The following EFEMP1 variants were observed in gnomAD, a reference collection of about 807,000 sequenced individuals.
The protein encoded by EFEMP1 is EGF-containing fibulin-like extracellular matrix protein 1.
Under a neutral mutation model 65.7 loss-of-function variants are expected in EFEMP1, and 18 were observed. The ratio of observed to expected loss-of-function variants is 0.27; its 90% confidence interval spans 0.19 to 0.41. The LOEUF (loss-of-function observed/expected upper bound fraction) is 0.41, where lower values mean the gene tolerates loss of function less well. EFEMP1 is among the 10% of genes least tolerant of loss of function. The pLI, the probability that EFEMP1 is intolerant of heterozygous loss-of-function variation, is 1.00. For missense variants in EFEMP1, 469 were observed against 624.8 expected, an observed-to-expected ratio of 0.75 and a Z score of 2.66; for synonymous variants, 237 against 219.7, an observed-to-expected ratio of 1.08 and a Z score of -0.70.
rs368526452 is a variant in EFEMP1 at position 55,918,216 on chromosome 2, C to T, written c.130+3G>A. ...CACATGGAAGTCTTTGAAGCTGGCTCACCTTTGCATTGCTGTCTCACAGGA... is the reference window on the plus strand; with the variant it reads ...CACATGGAAGTCTTTGAAGCTGGCTTACCTTTGCATTGCTGTCTCACAGGA... On this transcript the variant is annotated splice_donor_region_variant and intron_variant, in intron 4 of 11. Transcript: ENST00000355426. The T allele has an allele frequency of 1.0e-4, 161 of 1,614,206 alleles. 1 individual carries two copies. In the African/African-American group the frequency reaches 1.9e-3, roughly 19 times the overall value.
At position 55,919,024 on chromosome 2, in the gene EFEMP1, G is replaced by C. The variant is rs543060066; in HGVS notation, c.82-757C>G. ...CAGGAAGGAGTAATGGACTCTGCCCGGGGGCATGGGTGAGCATGGCAGGGC... is the reference window on the plus strand; with the variant it reads ...CAGGAAGGAGTAATGGACTCTGCCCCGGGGCATGGGTGAGCATGGCAGGGC... On this transcript the variant is annotated intron_variant, in intron 3 of 11. Transcript: ENST00000355426. This position sits in a 1 kb window ranked among gnomAD's most constrained non-coding sequence, Gnocchi z 4.5. 4.5e-4 allele frequency among the ~76,000 whole-genome samples: 68 copies of C among 152,300 alleles called. No homozygotes were observed. Among genetic ancestry groups the C allele is most frequent in the African/African-American group, 1.6e-3 (65 of 41,558 alleles).
At chr2:55,915,849 T>C (rs1209414051) in intron 5 of EFEMP1, among the ~76,000 whole-genome samples, 2 of 152,164 alleles carry the variant, frequency 1.3e-5, no homozygotes, top group Non-Finnish European at 2.9e-5. Context: ...CCCAAATACA[T>C]GTATAAGAAT....
chr2:55,887,787 T>C (rs1233057661), intron 5 of EFEMP1, among the ~76,000 whole-genome samples: 3 of 152,204 alleles, frequency 2.0e-5, no homozygotes, highest in African/African-American at 7.2e-5. Context: ...GCCTCCCTGA[T>C]AGTTCATTTC....
At chr2:55,901,610 T>C (rs1670035966) in intron 5 of EFEMP1, among the ~76,000 whole-genome samples, 1 of 152,160 alleles carries the variant, frequency 6.6e-6, no homozygotes, top group Non-Finnish European at 1.5e-5. Context: ...TGAATTCCTA[T>C]TTTGCTTTTT....
intron 9 of EFEMP1, among the ~76,000 whole-genome samples, chr2:55,872,312 C>T (rs1010839617): frequency 1.3e-5 from 2 of 152,044 alleles, no homozygotes; most frequent in Non-Finnish European, 1.5e-5. Flanking sequence ...TTCTCATACC[C>T]GGTGTTCTTT....
At position 55,877,840 on chromosome 2, in the gene EFEMP1, T is replaced by G; in HGVS notation, c.666A>C (p.Pro222=). ...TATTCACGCATCTTTGGTGGCAATA[T>G]GGAGGGATGGTACATTCATCTATGT... ...CVDIDECTIP[P]YCHQRCVNTP... Residue 222 remains proline (P), a synonymous_variant, in exon 7 of 12, where the codon CCA becomes CCC. Coordinates refer to ENST00000355426, the MANE Select transcript of EFEMP1 (RefSeq NM_001039348.3). The surrounding 1 kb of genome is among the most constrained non-coding windows in gnomAD (Gnocchi z 4.5). The G allele has an allele frequency of 6.2e-7, 1 of 1,613,174 alleles. No homozygotes were observed. The highest frequency in any genetic ancestry group is 8.5e-7 in the Non-Finnish European group (1 of 1,179,274).
Position 55,922,435 on chromosome 2 carries a change from C to G in EFEMP1, c.6G>C (p.Leu2Phe). 6.2e-7 allele frequency: 1 copy of G among 1,613,626 alleles called. No individual in the cohort carries two copies. Among genetic ancestry groups the G allele is most frequent in the Non-Finnish European group, 8.5e-7 (1 of 1,179,646 alleles). ...TCAGCATAGTTAGGAAAAGGGCTTTCAACATTGTGAATCTCAAAGAAAATA... is the reference window on the plus strand; with the variant it reads ...TCAGCATAGTTAGGAAAAGGGCTTTGAACATTGTGAATCTCAAAGAAAATA... The part of the protein sequence containing the change: M[L>F]KALFLTMLTL... Residue 2 changes from leucine to phenylalanine, a missense_variant, in exon 3 of 12, where the codon TTG becomes TTC. Leu to Phe is a conservative substitution (Grantham distance 22). Transcript: ENST00000355426. The surrounding 1 kb of genome is among the most constrained non-coding windows in gnomAD (Gnocchi z 5.5).
At chr2:55,906,591 T>A (rs368016679) in intron 5 of EFEMP1, among the ~76,000 whole-genome samples, 3 of 150,468 alleles carry the variant, frequency 2.0e-5, no homozygotes, top group East Asian at 3.9e-4. Flanking sequence ...TGGATTAAGA[T>A]TCTTCTGATA....
At position 55,923,630 on chromosome 2, in the gene EFEMP1, G is replaced by C; in HGVS notation, c.-49+81C>G. 1.0e-6 allele frequency: 1 copy of C among 985,680 alleles called. No individual in the cohort carries two copies. The highest frequency in any genetic ancestry group is 1.7e-5 in the African/African-American group (1 of 57,326). 61.1% of individuals were successfully genotyped at this position (985,680 alleles called of 1,614,324 possible). On this transcript the variant is annotated intron_variant, in intron 1 of 11. Transcript: ENST00000355426. This position sits in a 1 kb window ranked among gnomAD's most constrained non-coding sequence, Gnocchi z 5.3. ...GTTCTCGGGTACTCAACACCCCTCA[G>C]CTCACCCCACCTCACTCTCCCGCGC...
At chr2:55,902,151 A>C (rs866246038) in intron 5 of EFEMP1, among the ~76,000 whole-genome samples, 2 of 152,372 alleles carry the variant, frequency 1.3e-5, no homozygotes, top group Middle Eastern at 3.4e-3. Flanking sequence ...TGTTGTTTTA[A>C]GTCACTAAGC....
chr2:55,893,445 C>A (rs903520566), intron 5 of EFEMP1, among the ~76,000 whole-genome samples: 6 of 152,060 alleles, frequency 3.9e-5, no homozygotes, highest in Non-Finnish European at 8.8e-5. Flanking sequence ...TGGGTAAGAT[C>A]ACAGGTTTTA....
Position 55,871,152 on chromosome 2 carries a change from C to T in EFEMP1, c.1001-29G>A. ...TAGAGATGTAGGGTCAAAGAGTTTA[C>T]TAACTAAACTAATGAACTGATCTAA... On this transcript the variant is annotated intron_variant, in intron 9 of 11. Transcript: ENST00000355426. The surrounding 1 kb of genome is among the most constrained non-coding windows in gnomAD (Gnocchi z 4.2). 6.2e-7 allele frequency: 1 copy of T among 1,612,660 alleles called. No homozygotes were observed. Among genetic ancestry groups the T allele is most frequent in the Non-Finnish European group, 8.5e-7 (1 of 1,179,298 alleles).
At position 55,866,636 on chromosome 2, in the gene EFEMP1, C is replaced by A; in HGVS notation, c.*437G>T. 1 of 162,416 alleles carries A rather than the reference C, an allele frequency of 6.2e-6. No homozygotes were observed. Among genetic ancestry groups the A allele is most frequent in the Admixed American group, 6.0e-5 (1 of 16,790 alleles). 10.1% of individuals were successfully genotyped at this position (162,416 alleles called of 1,614,324 possible). A position where few individuals can be genotyped will look rare whatever the true frequency, so the allele number is the denominator to read the frequency against. On this transcript the variant is annotated 3_prime_UTR_variant, in exon 12 of 12. Coordinates refer to ENST00000355426, the MANE Select transcript of EFEMP1 (RefSeq NM_001039348.3). ...TCTAAAGAAATATATCTTTATTGAC[C>A]TTTTCCATTTTCTTACAAAGCAGTT... is the stretch of plus-strand genomic sequence containing the variant.
chr2:55,908,767 A>G (rs1047889676), intron 5 of EFEMP1, among the ~76,000 whole-genome samples: 1 of 152,162 alleles, frequency 6.6e-6, no homozygotes, highest in African/African-American at 2.4e-5. Context: ...ATCTGACCTC[A>G]AGTATCATAA....
intron 5 of EFEMP1, among the ~76,000 whole-genome samples, chr2:55,895,947 C>G (rs1434882431): frequency 2.6e-5 from 4 of 152,152 alleles, no homozygotes; most frequent in Admixed American, 1.3e-4. Context: ...TTAAAGCCCC[C>G]TTAAGGATGA....
chr2:55,923,624 C>T lies in EFEMP1; in HGVS notation c.-49+87G>A, dbSNP rs1670995025. ...AGGGCAGTTCTCGGGTACTCAACAC[C>T]CCTCAGCTCACCCCACCTCACTCTC... On this transcript the variant is annotated intron_variant, in intron 1 of 11. Transcript: ENST00000355426. The surrounding 1 kb of genome is among the most constrained non-coding windows in gnomAD (Gnocchi z 5.3). 1.0e-6 allele frequency: 1 copy of T among 985,680 alleles called. No homozygotes were observed. Among genetic ancestry groups the T allele is most frequent in the Non-Finnish European group, 1.2e-6 (1 of 830,170 alleles). 61.1% of individuals were successfully genotyped at this position (985,680 alleles called of 1,614,324 possible). A position where few individuals can be genotyped will look rare whatever the true frequency, so the allele number is the denominator to read the frequency against.
chr2:55,922,844 G>A lies in EFEMP1; in HGVS notation c.-8+55C>T. On this transcript the variant is annotated intron_variant, in intron 2 of 11. Coordinates refer to ENST00000355426, the MANE Select transcript of EFEMP1 (RefSeq NM_001039348.3). The surrounding 1 kb of genome is among the most constrained non-coding windows in gnomAD (Gnocchi z 5.5). ...CAGTCCCACACCCCGGGGGATGGAGGTGGGGCTGCAAAACTCTGTTCTCTA... is the reference window on the plus strand; with the variant it reads ...CAGTCCCACACCCCGGGGGATGGAGATGGGGCTGCAAAACTCTGTTCTCTA... The A allele has an allele frequency of 8.7e-7, 1 of 1,150,044 alleles. No homozygotes were observed. The highest frequency in any genetic ancestry group is 1.8e-5 in the South Asian group (1 of 55,498). The allele number at this position is 1,150,044 out of a possible 1,614,324, so 71.2% of individuals were successfully genotyped here. A position where few individuals can be genotyped will look rare whatever the true frequency, so the allele number is the denominator to read the frequency against.
intron 9 of EFEMP1, 131 bp downstream of exon 9, chr2:55,874,815 G>T: frequency 3.2e-6 from 3 of 941,028 alleles, no homozygotes; most frequent in South Asian, 2.0e-5. Flanking sequence ...TGATGAACAG[G>T]GGAAAAAAGA....
chr2:55,887,905 A>G (rs116073936), intron 5 of EFEMP1, among the ~76,000 whole-genome samples: 2,999 of 152,254 alleles, frequency 0.02, 58 homozygotes, highest in South Asian at 0.081. Flanking sequence ...AAATCATGCT[A>G]CTTCGAATTG....
Sources: gnomAD v4.1 joint callset for allele counts (sites outside exome capture counted in the v4.1 genomes callset) on GRCh38, gnomAD v4.1.1 for gene constraint, Gnocchi (gnomAD v3.1) non-coding constraint, MANE v1.5 for transcripts, NCBI Gene and HGNC (gene_info 2026-07-23, HGNC 2026-07-21) for gene names.